Variants in NCLN observed in about 807,000 individuals in gnomAD.
NCLN encodes the protein BOS complex subunit NCLN.
NCLN carries 34 observed loss-of-function variants against 69.5 expected under a neutral mutation model. The observed-to-expected ratio is 0.49, with a 90% CI of 0.37 to 0.65. The LOEUF is 0.65. NCLN is among the 30% of genes least tolerant of loss of function. NCLN has a pLI of 0.00. For missense variants in NCLN, 710 were observed against 804.8 expected, an observed-to-expected ratio of 0.88 and a Z score of 1.42; for synonymous variants, 393 against 358.3, an observed-to-expected ratio of 1.10 and a Z score of -1.09.
intron 4 of NCLN, 47 bp downstream of exon 4, chr19:3,196,324 C>A (rs1163615287): frequency 2.2e-6 from 3 of 1,386,358 alleles, no homozygotes; most frequent in East Asian, 5.2e-5. Context: ...CCAGGGGTTC[C>A]TGCCATCCGC....
At chr19:3,200,816 C>CCTGTGGACT in intron 5 of NCLN, among the ~76,000 whole-genome samples, 1 of 152,232 alleles carries the variant, frequency 6.6e-6, no homozygotes, top group East Asian at 1.9e-4. Context: ...CGTCCCAGTG[C>CCTGTGGACT]CTGTGGACTG....
At chr19:3,191,324 T>C (rs2144897000) in intron 1 of NCLN, among the ~76,000 whole-genome samples, 1 of 151,782 alleles carries the variant, frequency 6.6e-6, no homozygotes, top group Admixed American at 6.6e-5. Flanking sequence ...GCGGTGACCG[T>C]GGGGAGCGCC....
chr19:3,202,675 C>T (rs573412298), intron 6 of NCLN, among the ~76,000 whole-genome samples: 7 of 152,266 alleles, frequency 4.6e-5, no homozygotes, highest in African/African-American at 1.7e-4. Context: ...AACTCCTGGC[C>T]TCAAGCGATC....
rs536324368 is a variant in NCLN, at chr19:3,206,126, A to G, written c.1297-26A>G. On this transcript the variant is annotated intron_variant, in intron 10 of 14. Coordinates refer to ENST00000246117, the MANE Select transcript of NCLN (RefSeq NM_020170.4). ...AGCCCCACTGCAGGGGCCTGGACTC[A>G]GGGCCATCCCCTCCTCTCTCCGCAG... 18 of 1,529,852 alleles carry G rather than the reference A, an allele frequency of 1.2e-5. No homozygotes were observed. In the East Asian group the frequency reaches 4.4e-4, roughly 38 times the overall value. The allele number at this position is 1,529,852 out of a possible 1,614,324, so 94.8% of individuals were successfully genotyped here. A position where few individuals can be genotyped will look rare whatever the true frequency, so the allele number is the denominator to read the frequency against.
chr19:3,206,474 G>A, intron 12 of NCLN, 49 bp downstream of exon 12: 3 of 1,512,642 alleles, frequency 2.0e-6, no homozygotes, highest in South Asian at 1.3e-5. Flanking sequence ...GGCCGAGGGG[G>A]ACCTCCCCCT....
chr19:3,186,396 G>T (rs2144889659), intron 1 of NCLN, among the ~76,000 whole-genome samples, 182 bp downstream of exon 1: 1 of 152,096 alleles, frequency 6.6e-6, no homozygotes, highest in East Asian at 1.9e-4. Context: ...TGCTCTCCTT[G>T]CCTAGCGCCC....
intron 1 of NCLN, among the ~76,000 whole-genome samples, chr19:3,192,008 CA>C (rs1208856645): frequency 6.6e-6 from 1 of 152,062 alleles, no homozygotes; most frequent in African/African-American, 2.4e-5. Flanking sequence ...GGCCAACAGG[CA>C]AAACCCCGTC....
intron 3 of NCLN, among the ~76,000 whole-genome samples, chr19:3,195,635 T>C (rs1349587270): frequency 6.6e-6 from 1 of 152,102 alleles, no homozygotes; most frequent in African/African-American, 2.4e-5. Context: ...CAAAAGATTG[T>C]ATTTTTAGGC....
intron 3 of NCLN, among the ~76,000 whole-genome samples, chr19:3,195,273 G>A (rs1201833059): frequency 6.6e-6 from 1 of 150,908 alleles, no homozygotes; most frequent in Non-Finnish European, 1.5e-5. Context: ...TTTTTGAGAC[G>A]GAGTCTCGTT....
chr19:3,207,170 G>C, intron 12 of NCLN, 28 bp from the exon 13 acceptor site: 8 of 1,612,762 alleles, frequency 5.0e-6, no homozygotes, highest in Non-Finnish European at 6.8e-6. Flanking sequence ...GCGCAGTGGT[G>C]CCCCCTGAGA....
chr19:3,193,853 C>T (rs1192353211), intron 3 of NCLN, among the ~76,000 whole-genome samples: 2 of 152,266 alleles, frequency 1.3e-5, no homozygotes, highest in African/African-American at 2.4e-5. Flanking sequence ...ACACGCCTTT[C>T]CTCCAGCCCC....
In NCLN at chr19:3,206,207, AGTGGGTGG is replaced by A; in HGVS notation, c.1335+27_1335+34del. 5.2e-6 allele frequency: 2 copies of A among 381,088 alleles called. No homozygotes were observed. The highest frequency in any genetic ancestry group is 7.6e-6 in the Non-Finnish European group (2 of 263,792). 23.6% of individuals were successfully genotyped at this position (381,088 alleles called of 1,614,324 possible). The stretch of plus-strand genomic sequence containing the variant: ...GAGCAGATGGTAAGGGGGCCAGGCC[AGTGGGTGG>A]GTGGGTGGGCGGGGCCAGGCCATGA... On this transcript the variant is annotated intron_variant, in intron 11 of 14. Transcript: ENST00000246117.
chr19:3,203,975 C>T, intron 7 of NCLN, 30 bp from the exon 8 acceptor site: 3 of 1,544,466 alleles, frequency 1.9e-6, no homozygotes, highest in South Asian at 2.4e-5. Flanking sequence ...CTGGTCCCCA[C>T]CCACCCCGCC....
At position 3,207,805 on chromosome 19, in the gene NCLN, C is replaced by T; in HGVS notation, c.*117C>T. Reference sequence around the variant, plus strand: ...TGCAGGGACAGGGGCCCTCTCCCTCCCCGGCGGTGGTTGGAACACTGAATT... The same window carrying T: ...TGCAGGGACAGGGGCCCTCTCCCTCTCCGGCGGTGGTTGGAACACTGAATT... On this transcript the variant is annotated 3_prime_UTR_variant, in exon 15 of 15. Transcript: ENST00000246117. 1.2e-6 allele frequency: 1 copy of T among 807,124 alleles called. No individual in the cohort carries two copies. Among genetic ancestry groups the T allele is most frequent in the African/African-American group, 1.7e-5 (1 of 58,498 alleles). 50.0% of individuals were successfully genotyped at this position (807,124 alleles called of 1,614,324 possible).
chr19:3,206,154 G>A lies in NCLN; in HGVS notation c.1299G>A (p.Gly433=). 1 of 1,302,880 alleles carries A rather than the reference G, an allele frequency of 7.7e-7. No individual in the cohort carries two copies. The highest frequency in any genetic ancestry group is 1.0e-6 in the Non-Finnish European group (1 of 997,784). The allele number at this position is 1,302,880 out of a possible 1,614,324, so 80.7% of individuals were successfully genotyped here. Residue 433 remains glycine (G), a splice_region_variant and synonymous_variant, in exon 11 of 15, where the codon GGG becomes GGA. Coordinates refer to ENST00000246117, the MANE Select transcript of NCLN (RefSeq NM_020170.4). ...TRVIYNLTEK[G]TPPDMPVFTE... is the part of the protein sequence containing the mutation. ...GCCATCCCCTCCTCTCTCCGCAGGG[G>A]ACACCCCCAGACATGCCGGTGTTCA...
Position 3,204,791 on chromosome 19 carries a change from T to TC in NCLN, c.1208+42dup, listed in dbSNP as rs766384932. ...ACCTGCCCGGCCCCTCCTAGGGCTT[T>TC]CCTGGGGGCTGAGCCACTGGTCGCA... On this transcript the variant is annotated intron_variant, in intron 9 of 14. Transcript: ENST00000246117. The TC allele has an allele frequency of 4.2e-5, 58 of 1,395,368 alleles. No individual in the cohort carries two copies. The African/African-American group carries it at 5.0e-4, about 12-fold the overall frequency. The allele number at this position is 1,395,368 out of a possible 1,614,324, so 86.4% of individuals were successfully genotyped here.
At chr19:3,200,312 ATTTT>A (rs34745192) in intron 5 of NCLN, among the ~76,000 whole-genome samples, 1 of 126,908 alleles carries the variant, frequency 7.9e-6, no homozygotes, top group Non-Finnish European at 1.6e-5. Context: ...TTATTTATGT[ATTTT>A]TTTTTTTTTT....
At position 3,207,402 on chromosome 19, in the gene NCLN, C is replaced by T; in HGVS notation, c.1565C>T (p.Ala522Val). 1.2e-6 allele frequency: 2 copies of T among 1,613,116 alleles called. No homozygotes were observed. The highest frequency in any genetic ancestry group is 1.7e-6 in the Non-Finnish European group (2 of 1,180,012). The change falls in exon 14 of 15, where the codon GCC becomes GTC. Residue 522 changes from alanine (A) to valine (V), a missense_variant. Transcript: ENST00000246117. ...QVMNAYRVKPAVFDLLLAVGI... is the reference protein window; with the variant it reads ...QVMNAYRVKPVVFDLLLAVGI... ...TGCTTTCTCCACAGAGTCAAGCCGG[C>T]CGTCTTTGACCTGCTCCTGGCTGTT...
intron 4 of NCLN, among the ~76,000 whole-genome samples, 179 bp downstream of exon 4, chr19:3,196,456 C>G (rs969571102): frequency 1.3e-5 from 2 of 152,140 alleles, no homozygotes; most frequent in Non-Finnish European, 2.9e-5. Flanking sequence ...ACCCAAACTC[C>G]TCACATGGCC....
Sources: allele counts gnomAD v4.1 joint callset (sites outside exome capture counted in the v4.1 genomes callset), GRCh38; gene constraint gnomAD v4.1.1; transcripts MANE v1.5; gene names NCBI Gene and HGNC (gene_info 2026-07-23, HGNC 2026-07-21).